Variants in PPFIBP1 observed in about 807,000 individuals in gnomAD.
PPFIBP1 encodes liprin-beta-1.
A neutral mutation model predicts 137.8 loss-of-function variants in PPFIBP1; 112 were observed. The ratio of observed to expected loss-of-function variants is 0.81; its 90% confidence interval spans 0.70 to 0.95. The LOEUF (loss-of-function observed/expected upper bound fraction) is 0.95. PPFIBP1 is among the 40% of genes least tolerant of loss of function. The pLI is 0.00. For missense variants in PPFIBP1, 1,083 were observed against 1,196.6 expected, an observed-to-expected ratio of 0.91 and a Z score of 1.40; for synonymous variants, 378 against 417.3, an observed-to-expected ratio of 0.91 and a Z score of 1.15.
intron 2 of PPFIBP1, among the ~76,000 whole-genome samples, chr12:27,630,303 G>A (rs2057170621): frequency 6.6e-6 from 1 of 151,956 alleles, no homozygotes; most frequent in African/African-American, 2.4e-5. Context: ...TTTGCTTCAT[G>A]TATTTGGAAG....
chr12:27,573,793 G>C (rs1466121198), intron 1 of PPFIBP1, among the ~76,000 whole-genome samples: 1 of 152,050 alleles, frequency 6.6e-6, no homozygotes, highest in Non-Finnish European at 1.5e-5. Context: ...AACCAGCCTG[G>C]GTTACAAAGT....
intron 2 of PPFIBP1, among the ~76,000 whole-genome samples, chr12:27,617,964 T>C (rs953124950): frequency 2.0e-5 from 3 of 152,222 alleles, no homozygotes; most frequent in Admixed American, 6.5e-5. Flanking sequence ...TCAAGACAAC[T>C]CAACACATTT....
intron 4 of PPFIBP1, among the ~76,000 whole-genome samples, chr12:27,641,658 A>C (rs1048990944): frequency 6.6e-6 from 1 of 152,212 alleles, no homozygotes; most frequent in African/African-American, 2.4e-5. Context: ...TGATATAAAA[A>C]GAAGGCTTTC....
chr12:27,631,676 T>C (rs1435453965), intron 2 of PPFIBP1, among the ~76,000 whole-genome samples: 1 of 152,174 alleles, frequency 6.6e-6, no homozygotes, highest in East Asian at 1.9e-4. Context: ...TCTCATACCT[T>C]CATATAATAG....
At chr12:27,593,003 A>AG (rs2052706821) in intron 2 of PPFIBP1, among the ~76,000 whole-genome samples, 1 of 151,526 alleles carries the variant, frequency 6.6e-6, no homozygotes, top group African/African-American at 2.4e-5. Context: ...AGGGTAGCAG[A>AG]CGCCTATAAT....
At chr12:27,538,653 A>G (rs1945314244) in intron 1 of PPFIBP1, among the ~76,000 whole-genome samples, 1 of 152,190 alleles carries the variant, frequency 6.6e-6, no homozygotes, top group East Asian at 1.9e-4. Context: ...TAAATATGTG[A>G]TGAGATGATT....
chr12:27,647,657 T>C (rs2058616285), intron 5 of PPFIBP1, 72 bp from the exon 6 acceptor site: 3 of 903,028 alleles, frequency 3.3e-6, no homozygotes, highest in East Asian at 5.5e-5. Flanking sequence ...TTTTGTTCCA[T>C]TTAGAGAAAT....
At chr12:27,692,727 G>A in intron 29 of PPFIBP1, 69 bp from the exon 30 acceptor site, 1 of 1,613,832 alleles carries the variant, frequency 6.2e-7, no homozygotes, top group Non-Finnish European at 8.5e-7. Context: ...AGGACCACAT[G>A]TCTCTTGGAG....
chr12:27,607,689 A>G (rs1437126794), intron 2 of PPFIBP1, among the ~76,000 whole-genome samples: 1 of 152,206 alleles, frequency 6.6e-6, no homozygotes, highest in Non-Finnish European at 1.5e-5. Flanking sequence ...GTCTTGATTT[A>G]CCAAAAATCC....
At chr12:27,631,050 AC>A (rs1262401579) in intron 2 of PPFIBP1, among the ~76,000 whole-genome samples, 2 of 152,200 alleles carry the variant, frequency 1.3e-5, no homozygotes, top group Non-Finnish European at 2.9e-5. Context: ...CAAAAAACAA[AC>A]AAAAAGTAAA....
intron 2 of PPFIBP1, among the ~76,000 whole-genome samples, chr12:27,581,253 A>G (rs554227678): frequency 9.8e-5 from 15 of 152,290 alleles, no homozygotes; most frequent in African/African-American, 3.6e-4. Flanking sequence ...CGTTTGCCTA[A>G]GAGTGTAAGC....
intron 2 of PPFIBP1, among the ~76,000 whole-genome samples, chr12:27,613,032 C>A (rs1400283463): frequency 6.6e-6 from 1 of 152,090 alleles, no homozygotes; most frequent in Non-Finnish European, 1.5e-5. Flanking sequence ...TTGATTGTAT[C>A]TGAGCAGAGG....
At chr12:27,636,042 C>T (rs2057643466) in intron 4 of PPFIBP1, 1 of 152,182 alleles carries the variant, frequency 6.6e-6, no homozygotes, top group South Asian at 2.1e-4. Flanking sequence ...GAATCGTGAT[C>T]TACTTTATGA....
At chr12:27,604,417 G>A (rs371050172) in intron 2 of PPFIBP1, among the ~76,000 whole-genome samples, 3 of 152,298 alleles carry the variant, frequency 2.0e-5, no homozygotes, top group African/African-American at 7.2e-5. Context: ...GGTGAGATGA[G>A]GGTTGGATGT....
Position 27,670,268 on chromosome 12 carries a change from A to G in PPFIBP1, c.1147-1163A>G, listed in dbSNP as rs373615975. On this transcript the variant is annotated intron_variant, in intron 13 of 29. Transcript: ENST00000228425. ...TTAGGATGCACAAAGCATTTGTTTG[A>G]GAAAATGTATTATGCATTTTATATG... is the stretch of plus-strand genomic sequence containing the variant. Among the ~76,000 whole-genome samples the G allele has an allele frequency of 4.6e-5, 7 of 152,350 alleles. 1 individual carries two copies. The highest frequency in any genetic ancestry group is 1.7e-4 in the African/African-American group (7 of 41,584).
intron 2 of PPFIBP1, chr12:27,593,541 G>A: frequency 2.7e-6 from 1 of 376,994 alleles, no homozygotes; most frequent in Admixed American, 3.4e-5. Context: ...CTGGAGGGGA[G>A]CTGCCGTACA....
At chr12:27,629,247 TTAAAA>T (rs1321618046) in intron 2 of PPFIBP1, among the ~76,000 whole-genome samples, 1 of 152,212 alleles carries the variant, frequency 6.6e-6, no homozygotes, top group African/African-American at 2.4e-5. Flanking sequence ...TCCTTCCCAG[TTAAAA>T]TAAAGAACTT....
chr12:27,682,733 A>C, intron 24 of PPFIBP1, 30 bp downstream of exon 24: 1 of 1,612,768 alleles, frequency 6.2e-7, no homozygotes, highest in Non-Finnish European at 8.5e-7. Context: ...GGTTTGGGGG[A>C]GGAAAACTTT....
intron 19 of PPFIBP1, 24 bp downstream of exon 19, chr12:27,677,120 C>G: frequency 8.1e-6 from 13 of 1,613,550 alleles, no homozygotes; most frequent in Non-Finnish European, 1.1e-5. Flanking sequence ...GCATGCCAGC[C>G]TTCACCAGCA....
Sources: allele counts gnomAD v4.1 joint callset (sites outside exome capture counted in the v4.1 genomes callset), GRCh38; gene constraint gnomAD v4.1.1; transcripts MANE v1.5; gene names NCBI Gene and HGNC (gene_info 2026-07-23, HGNC 2026-07-21).